Variants in UMODL1 observed in about 807,000 individuals in gnomAD.
The protein encoded by UMODL1 is uromodulin like 1, also known as uromodulin-like 1.
A neutral mutation model predicts 136.3 loss-of-function variants in UMODL1; 128 were observed. That is an observed-to-expected ratio of 0.94 (90% confidence interval 0.81 to 1.09). The LOEUF (loss-of-function observed/expected upper bound fraction) is 1.09, where lower values mean the gene tolerates loss of function less well. Ranked by LOEUF, UMODL1 falls within the 50% of genes least tolerant of loss-of-function variation. The pLI, the probability that UMODL1 is intolerant of heterozygous loss-of-function variation, is 0.00. For synonymous variants in UMODL1, 721 were observed against 720.0 expected (o/e 1.00, Z -0.02); for missense variants, 1,766 against 1,725.6 (o/e 1.02, Z -0.41).
intron 22 of UMODL1, among the ~76,000 whole-genome samples, chr21:42,139,125 C>T (rs937529847): frequency 3.3e-5 from 5 of 151,996 alleles, no homozygotes; most frequent in Admixed American, 1.3e-4. Context: ...CCGAGACTGC[C>T]CCACTACACT....
In UMODL1 at chr21:42,098,967, A is replaced by T; in HGVS notation, c.973A>T (p.Ser325Cys). Residue 325 changes from serine (S) to cysteine (C), a missense_variant, in exon 7 of 23, where the codon AGT becomes TGT. Coordinates refer to ENST00000408910, the MANE Select transcript of UMODL1 (RefSeq NM_001004416.3). ...TGACTACGTGGTCCTCAACGTCACCAGTGACAGTTTTCAAGTATCCTGGCG... is the reference window on the plus strand; with the variant it reads ...TGACTACGTGGTCCTCAACGTCACCTGTGACAGTTTTCAAGTATCCTGGCG... ...VSDYVVLNVT[S>C]DSFQVSWRLN... 6.2e-7 allele frequency: 1 copy of T among 1,614,180 alleles called. No individual in the cohort carries two copies. Among genetic ancestry groups the T allele is most frequent in the Non-Finnish European group, 8.5e-7 (1 of 1,180,028 alleles).
At chr21:42,087,209 C>T (rs1239244924) in intron 4 of UMODL1, among the ~76,000 whole-genome samples, 5 of 152,216 alleles carry the variant, frequency 3.3e-5, no homozygotes, top group African/African-American at 1.2e-4. Context: ...CTGCCTTGCA[C>T]AGGGGTCAGG....
At chr21:42,114,279 C>G (rs943852026) in intron 13 of UMODL1, among the ~76,000 whole-genome samples, 1 of 152,232 alleles carries the variant, frequency 6.6e-6, no homozygotes, top group South Asian at 2.1e-4. Context: ...CCTGGGGCCA[C>G]AAAGTAAAGA....
Position 42,122,989 on chromosome 21 carries a change from G to A in UMODL1, c.2986G>A (p.Glu996Lys), listed in dbSNP as rs1337484547. The A allele has an allele frequency of 5.6e-6, 9 of 1,614,064 alleles. No individual in the cohort carries two copies. The highest frequency in any genetic ancestry group is 1.3e-5 in the African/African-American group (1 of 75,020). ...TGAVRVLCEIEKVVVAIQKRF... is the reference protein window; with the variant it reads ...TGAVRVLCEIKKVVVAIQKRF... ...AGCAGTCAGGGTGCTCTGTGAGATC[G>A]AGAAGGTGGTTGTCGCCATCCAGAA... The change falls in exon 17 of 23, where the codon GAG becomes AAG. Residue 996 changes from glutamate (E) to lysine (K), a missense_variant. Physicochemically the swap from Glu to Lys is moderately conservative, Grantham distance 56 (BLOSUM62 1). Coordinates refer to ENST00000408910, the MANE Select transcript of UMODL1 (RefSeq NM_001004416.3). This position sits in a 1 kb window ranked among gnomAD's most constrained non-coding sequence, Gnocchi z 4.3.
chr21:42,133,917 T>TGTTTTGTTTC (rs71190404), intron 21 of UMODL1, among the ~76,000 whole-genome samples: 16 of 136,676 alleles, frequency 1.2e-4, no homozygotes, highest in East Asian at 3.2e-4. Context: ...TGTTTTGTTT[T>TGTTTTGTTTC]GTTTCGTTTT....
chr21:42,138,467 G>A lies in UMODL1; in HGVS notation c.*21+826G>A, dbSNP rs369003862. Among the ~76,000 whole-genome samples, 223 of 152,306 alleles carry A rather than the reference G, an allele frequency of 1.5e-3. 1 individual carries two copies. The highest frequency in any genetic ancestry group is 5.2e-3 in the African/African-American group (215 of 41,576). On this transcript the variant is annotated intron_variant, in intron 22 of 22. Transcript: ENST00000408910. ...CCCTGTGGACTTTTGTTTTTCCTGGGCCTGCACATAGTTCACCACAAATGA... is the reference window on the plus strand; with the variant it reads ...CCCTGTGGACTTTTGTTTTTCCTGGACCTGCACATAGTTCACCACAAATGA...
chr21:42,114,092 G>A (rs1242367251), intron 13 of UMODL1, among the ~76,000 whole-genome samples: 3 of 152,240 alleles, frequency 2.0e-5, no homozygotes, highest in Non-Finnish European at 4.4e-5. Flanking sequence ...AAGGCTGCGG[G>A]TGCGGCTCAC....
At chr21:42,066,964 G>A (rs182911284), upstream of UMODL1, among the ~76,000 whole-genome samples, 6 of 143,396 alleles carry the variant, frequency 4.2e-5, 1 homozygote, top group Non-Finnish European at 6.0e-5. Flanking sequence ...TAGAGCACAC[G>A]TCTTTTTTCT....
intron 8 of UMODL1, 49 bp from the exon 9 acceptor site, chr21:42,103,819 T>C: frequency 1.2e-6 from 2 of 1,605,630 alleles, no homozygotes; most frequent in Admixed American, 1.7e-5. Flanking sequence ...CCCTGCTTAA[T>C]GGTCGTGAAG....
At chr21:42,072,042 C>CA (rs1569137336) in intron 1 of UMODL1, among the ~76,000 whole-genome samples, 1 of 74,106 alleles carries the variant, frequency 1.3e-5, no homozygotes, top group Non-Finnish European at 2.8e-5. Context: ...AGCAAAAGCC[C>CA]CCAAACAAAC....
chr21:42,118,130 G>C (rs1206837712), intron 14 of UMODL1, among the ~76,000 whole-genome samples: 2 of 152,250 alleles, frequency 1.3e-5, no homozygotes, highest in Non-Finnish European at 2.9e-5. Context: ...AGTTTGCTTA[G>C]AGGTTGGTTT....
At position 42,099,134 on chromosome 21, in the gene UMODL1, C is replaced by G; in HGVS notation, c.1140C>G (p.Tyr380Ter). The stretch of plus-strand genomic sequence containing the variant: ...TGCTGTACAGGGTGAAGACCAGCTA[C>G]CAGGGGTGCGGGGCCGACGTCTCCA... ...AGVLYRVKTS[Y>*]QGCGADVSTT... The change falls in exon 7 of 23, where the codon TAC (tyrosine) becomes TAG (stop). Residue 380 changes from tyrosine to a stop codon, truncating the protein, a stop_gained. Transcript: ENST00000408910. LOFTEE classifies it high-confidence loss of function. This position sits in a 1 kb window ranked among gnomAD's most constrained non-coding sequence, Gnocchi z 4.1. The G allele has an allele frequency of 6.2e-7, 1 of 1,613,758 alleles. No homozygotes were observed. Among genetic ancestry groups the G allele is most frequent in the Non-Finnish European group, 8.5e-7 (1 of 1,180,008 alleles).
intron 5 of UMODL1, 50 bp downstream of exon 5, chr21:42,088,530 G>T: frequency 6.6e-7 from 1 of 1,526,536 alleles, no homozygotes; most frequent in Non-Finnish European, 8.9e-7. Flanking sequence ...GGTGGTGCCT[G>T]AACAGCCAAA....
At chr21:42,098,286 C>G (rs1350703857) in intron 6 of UMODL1, among the ~76,000 whole-genome samples, 1 of 152,192 alleles carries the variant, frequency 6.6e-6, no homozygotes, top group African/African-American at 2.4e-5. Flanking sequence ...CTCCCACCCT[C>G]TAACTTGGCT....
At chr21:42,094,257 G>A (rs1351684893) in intron 6 of UMODL1, among the ~76,000 whole-genome samples, 1 of 152,214 alleles carries the variant, frequency 6.6e-6, no homozygotes, top group Admixed American at 6.5e-5. Context: ...AGTGTTTCCA[G>A]ATCAGCAGTT....
At chr21:42,088,175 T>A in intron 4 of UMODL1, 119 bp from the exon 5 acceptor site, 1 of 1,087,100 alleles carries the variant, frequency 9.2e-7, no homozygotes. Flanking sequence ...GGTTCTTTGC[T>A]GAAGAGCAGA....
chr21:42,121,235 CAG>C lies in UMODL1; in HGVS notation c.2827+14_2827+15del, dbSNP rs1274927413. The stretch of plus-strand genomic sequence containing the variant: ...AGAGACCCTGTGAAGGTAATGTCGT[CAG>C]AGTTTCTTCTTCTGGAATACTGTAT... On this transcript the variant is annotated intron_variant, in intron 16 of 22. Coordinates refer to ENST00000408910, the MANE Select transcript of UMODL1 (RefSeq NM_001004416.3). The C allele has an allele frequency of 6.2e-7, 1 of 1,602,002 alleles. No homozygotes were observed. Among genetic ancestry groups the C allele is most frequent in the East Asian group, 2.2e-5 (1 of 44,606 alleles).
chr21:42,133,794 A>C lies in UMODL1; in HGVS notation c.3776-3645A>C, dbSNP rs186964919. ...ACCAGTCATGTTGGACTAGGGGCCT[A>C]TCTACCTGCTTAACTAGTTGCACCT... On this transcript the variant is annotated intron_variant, in intron 21 of 22. Transcript: ENST00000408910. Among the ~76,000 whole-genome samples the C allele has an allele frequency of 5.4e-3, 819 of 152,350 alleles. 7 individuals carry two copies. Among genetic ancestry groups the C allele is most frequent in the Non-Finnish European group, 4.1e-3 (278 of 68,038 alleles).
Position 42,123,991 on chromosome 21 carries a change from C to T in UMODL1, c.3147+841C>T, listed in dbSNP as rs908116346. Among the ~76,000 whole-genome samples the T allele has an allele frequency of 7.9e-5, 12 of 152,168 alleles. No homozygotes were observed. The highest frequency in any genetic ancestry group is 1.6e-4 in the Non-Finnish European group (11 of 68,028). Reference sequence around the variant, plus strand: ...TCGCACCTCTGTGTGCACAGATGGGCTCTGGCACCTCCCCTTGCAGGTGAC... The same window carrying T: ...TCGCACCTCTGTGTGCACAGATGGGTTCTGGCACCTCCCCTTGCAGGTGAC... On this transcript the variant is annotated intron_variant, in intron 17 of 22. Coordinates refer to ENST00000408910, the MANE Select transcript of UMODL1 (RefSeq NM_001004416.3). The surrounding 1 kb of genome is among the most constrained non-coding windows in gnomAD (Gnocchi z 4.4).
Sources: gnomAD v4.1 joint callset for allele counts (sites outside exome capture counted in the v4.1 genomes callset) on GRCh38, gnomAD v4.1.1 for gene constraint, Gnocchi (gnomAD v3.1) non-coding constraint, MANE v1.5 for transcripts, NCBI Gene and HGNC (gene_info 2026-07-23, HGNC 2026-07-21) for gene names.